The following DPP10 variants were observed in gnomAD, a reference collection of about 807,000 sequenced individuals.
The protein encoded by DPP10 is inactive dipeptidyl peptidase 10.
In DPP10, 33 loss-of-function variants were observed where a neutral mutation model predicts 120.9. That is an observed-to-expected ratio of 0.27 (90% CI 0.21 to 0.37). The LOEUF (loss-of-function observed/expected upper bound fraction) is 0.37. Among genes scored for constraint, DPP10 ranks in the 10% least tolerant of loss-of-function variants. The probability of loss-of-function intolerance (pLI) is 1.00; values close to 1 mark genes in which losing one functional copy is unlikely to be tolerated. For synonymous variants in DPP10, 337 were observed against 326.1 expected (o/e 1.03, Z -0.36); for missense variants, 816 against 942.8 (o/e 0.87, Z 1.76).
intron 1 of DPP10, among the ~76,000 whole-genome samples, chr2:115,111,303 G>C (rs1033592101): frequency 6.6e-6 from 1 of 151,274 alleles, no homozygotes; most frequent in African/African-American, 2.4e-5. Flanking sequence ...CCAGTAAGCA[G>C]ACTCTGAAAC....
intron 4 of DPP10, among the ~76,000 whole-genome samples, chr2:115,503,897 C>T (rs540995587): frequency 1.3e-5 from 2 of 152,132 alleles, no homozygotes; most frequent in East Asian, 1.9e-4. Context: ...CTACACTTAA[C>T]GCAACCAGAA....
intron 1 of DPP10, among the ~76,000 whole-genome samples, chr2:114,965,964 CAAAAAAAAAAAAAAAAA>C (rs57107624): frequency 1.3e-5 from 1 of 74,808 alleles, no homozygotes; most frequent in East Asian, 4.7e-4. Flanking sequence ...GACTCCTTCT[CAAAAAAAAAAAAAAAAA>C]AAAAAAGAAA....
At chr2:114,509,509 A>C (rs1239034979) in intron 1 of DPP10, among the ~76,000 whole-genome samples, 4 of 152,162 alleles carry the variant, frequency 2.6e-5, no homozygotes, top group Non-Finnish European at 5.9e-5. Context: ...CTAAATTCTG[A>C]ACTGCTTTTC....
rs33998803 is a variant in DPP10 at position 115,842,228 on chromosome 2, T to C, written c.2274T>C (p.Gly758=). The C allele has an allele frequency of 8.1e-6, 13 of 1,612,876 alleles. No individual in the cohort carries two copies. In the African/African-American group the frequency reaches 1.5e-4, roughly 18 times the overall value. Residue 758 remains glycine, a synonymous_variant, in exon 26 of 26, where the codon GGT becomes GGC. Transcript: ENST00000410059. ...TATCTTAGGTCTACCCAGATGAAGGTCATAACGTATCTGAGAAGAGCAAGT... is the reference window on the plus strand; with the variant it reads ...TATCTTAGGTCTACCCAGATGAAGGCCATAACGTATCTGAGAAGAGCAAGT... ...NYTMQVYPDE[G]HNVSEKSKYH... is the part of the protein sequence containing the mutation.
At chr2:115,532,684 AT>A (rs1342361681) in intron 5 of DPP10, among the ~76,000 whole-genome samples, 1 of 152,018 alleles carries the variant, frequency 6.6e-6, no homozygotes, top group Non-Finnish European at 1.5e-5. Context: ...ATGCCATAAA[AT>A]TAAAACCATA....
chr2:115,247,187 A>G (rs1259890473), intron 1 of DPP10, among the ~76,000 whole-genome samples: 3 of 152,204 alleles, frequency 2.0e-5, no homozygotes, highest in South Asian at 4.1e-4. Flanking sequence ...AATGGAGGAG[A>G]AAAATGAGGA....
chr2:114,954,993 G>A (rs376630520), intron 1 of DPP10, among the ~76,000 whole-genome samples: 6 of 152,228 alleles, frequency 3.9e-5, no homozygotes, highest in African/African-American at 1.2e-4. Flanking sequence ...GAAAAGCCCC[G>A]AAACAAATGG....
chr2:114,698,294 C>T (rs569212333), intron 1 of DPP10, among the ~76,000 whole-genome samples: 6 of 152,132 alleles, frequency 3.9e-5, no homozygotes, highest in Admixed American at 2.0e-4. Context: ...ATGGAGGCCT[C>T]TTGCCTGGAG....
intron 5 of DPP10, among the ~76,000 whole-genome samples, chr2:115,685,314 T>C (rs1024407164): frequency 6.6e-6 from 1 of 151,906 alleles, no homozygotes; most frequent in African/African-American, 2.4e-5. Context: ...TTCGACTAAG[T>C]CAACTAGTAT....
chr2:114,871,663 G>C (rs948563661), intron 1 of DPP10, among the ~76,000 whole-genome samples: 1 of 152,070 alleles, frequency 6.6e-6, no homozygotes, highest in African/African-American at 2.4e-5. Context: ...TTAGATTCGA[G>C]GGGGTACATG....
chr2:115,134,941 G>C (rs1235331078), intron 1 of DPP10, among the ~76,000 whole-genome samples: 1 of 152,078 alleles, frequency 6.6e-6, no homozygotes, highest in Non-Finnish European at 1.5e-5. Flanking sequence ...GACAGAGGGA[G>C]GGAACGTTCC....
chr2:115,567,886 A>T (rs2081099184), intron 5 of DPP10, among the ~76,000 whole-genome samples: 1 of 152,206 alleles, frequency 6.6e-6, no homozygotes. Flanking sequence ...TGTTAACGTG[A>T]AAGGTAAGAA....
At chr2:115,714,456 G>A (rs1225815806) in intron 7 of DPP10, among the ~76,000 whole-genome samples, 1 of 152,134 alleles carries the variant, frequency 6.6e-6, no homozygotes, top group Non-Finnish European at 1.5e-5. Context: ...CAGTTTTTAG[G>A]TGGAACTATT....
chr2:115,010,851 CCAGA>C (rs1437456786), intron 1 of DPP10, among the ~76,000 whole-genome samples: 3 of 152,176 alleles, frequency 2.0e-5, no homozygotes, highest in Middle Eastern at 6.8e-3. Flanking sequence ...AGTAGTGTGG[CCAGA>C]CAGAGGATGC....
Position 115,845,690 on chromosome 2 carries a change from A to G in DPP10, c.*3345A>G, listed in dbSNP as rs192395836. On this transcript the variant is annotated 3_prime_UTR_variant, in exon 26 of 26. Transcript: ENST00000410059. Reference sequence around the variant, plus strand: ...AAACTATTTTTCCCCTCCACAAGAAATTATCACTGTGAATATTACAGGAGG... The same window carrying G: ...AAACTATTTTTCCCCTCCACAAGAAGTTATCACTGTGAATATTACAGGAGG... The G allele has an allele frequency of 3.9e-5, 6 of 152,296 alleles. No individual in the cohort carries two copies. Among genetic ancestry groups the G allele is most frequent in the African/African-American group, 1.2e-4 (5 of 41,558 alleles). The allele number at this position is 152,296 out of a possible 1,614,324, so 9.4% of individuals were successfully genotyped here. A position where few individuals can be genotyped will look rare whatever the true frequency, so the allele number is the denominator to read the frequency against.
chr2:115,831,224 C>T (rs955030638), intron 21 of DPP10, among the ~76,000 whole-genome samples: 4 of 150,364 alleles, frequency 2.7e-5, no homozygotes, highest in African/African-American at 7.3e-5. Flanking sequence ...AGTTTAAATT[C>T]GCACAGATCA....
At chr2:115,556,364 G>GTTTTT (rs34615187) in intron 5 of DPP10, among the ~76,000 whole-genome samples, 3 of 128,682 alleles carry the variant, frequency 2.3e-5, no homozygotes, top group South Asian at 2.5e-4. Context: ...TTTTTGGCAG[G>GTTTTT]TTTTTTTTTT....
At chr2:114,892,816 C>G (rs1692650852) in intron 1 of DPP10, among the ~76,000 whole-genome samples, 1 of 152,120 alleles carries the variant, frequency 6.6e-6, no homozygotes, top group Non-Finnish European at 1.5e-5. Context: ...GTGGACAAGC[C>G]TCTTTCCAAA....
At chr2:114,892,401 G>A (rs1487230230) in intron 1 of DPP10, among the ~76,000 whole-genome samples, 1 of 152,150 alleles carries the variant, frequency 6.6e-6, no homozygotes, top group African/African-American at 2.4e-5. Flanking sequence ...GGAGAACTGA[G>A]AAACAACAAA....
Sources: allele counts gnomAD v4.1 joint callset (sites outside exome capture counted in the v4.1 genomes callset), GRCh38; gene constraint gnomAD v4.1.1; transcripts MANE v1.5; gene names NCBI Gene and HGNC (gene_info 2026-07-23, HGNC 2026-07-21).